The following TUBB6 variants were observed in gnomAD, a reference collection of about 807,000 sequenced individuals.
TUBB6 encodes the protein tubulin beta 6 class V, also known as tubulin beta-6 chain.
TUBB6 carries 18 observed loss-of-function variants against 32.3 expected under a neutral mutation model. The ratio of observed to expected loss-of-function variants is 0.56; its 90% CI spans 0.39 to 0.83. TUBB6 has a LOEUF of 0.83. Ranked by LOEUF, TUBB6 falls within the 40% of genes least tolerant of loss-of-function variation. The pLI is 0.00. For missense variants in TUBB6, 480 were observed against 632.0 expected, an observed-to-expected ratio of 0.76 and a Z score of 2.58; for synonymous variants, 280 against 265.8, an observed-to-expected ratio of 1.05 and a Z score of -0.52.
chr18:12,319,442 G>T (rs953523533), intron 3 of TUBB6, among the ~76,000 whole-genome samples: 1 of 151,238 alleles, frequency 6.6e-6, no homozygotes, highest in Admixed American at 6.6e-5. Context: ...CACCGCGCCC[G>T]GCCCTGCTGA....
upstream of TUBB6, chr18:12,308,216 C>A: frequency 8.7e-7 from 1 of 1,144,672 alleles, no homozygotes. Context: ...GAGGGTCGGC[C>A]CCGGGACGCG....
chr18:12,315,945 C>CA (rs967945113), intron 3 of TUBB6, among the ~76,000 whole-genome samples: 4 of 151,840 alleles, frequency 2.6e-5, no homozygotes, highest in Non-Finnish European at 5.9e-5. Flanking sequence ...TTAACTCTGT[C>CA]AAAAAAAAGA....
In TUBB6 at chr18:12,308,278, A is replaced by C; in HGVS notation, c.-15A>C. On this transcript the variant is annotated 5_prime_UTR_variant, in exon 1 of 4. Transcript: ENST00000317702. Reference sequence around the variant, plus strand: ...CGTCCGCAGAGCCAGTTCCTAGCGCAGAGCCGCGCCCGCCATGAGGGAGAT... The same window carrying C: ...CGTCCGCAGAGCCAGTTCCTAGCGCCGAGCCGCGCCCGCCATGAGGGAGAT... 1 of 1,439,580 alleles carries C rather than the reference A, an allele frequency of 6.9e-7. No homozygotes were observed. Among genetic ancestry groups the C allele is most frequent in the Non-Finnish European group, 9.2e-7 (1 of 1,090,908 alleles). The allele number at this position is 1,439,580 out of a possible 1,614,324, so 89.2% of individuals were successfully genotyped here. A position where few individuals can be genotyped will look rare whatever the true frequency, so the allele number is the denominator to read the frequency against.
chr18:12,313,077 A>G (rs1906481000), intron 3 of TUBB6, among the ~76,000 whole-genome samples: 1 of 151,958 alleles, frequency 6.6e-6, no homozygotes, highest in Non-Finnish European at 1.5e-5. Flanking sequence ...TGTAAGCTGG[A>G]AGTAGAAAGA....
At position 12,326,515 on chromosome 18, in the gene TUBB6, C is replaced by T; in HGVS notation, c.*385C>T. 4.6e-6 allele frequency: 1 copy of T among 216,826 alleles called. No individual in the cohort carries two copies. The highest frequency in any genetic ancestry group is 1.1e-4 in the East Asian group (1 of 9,336). The allele number at this position is 216,826 out of a possible 1,614,324, so 13.4% of individuals were successfully genotyped here. On this transcript the variant is annotated 3_prime_UTR_variant, in exon 4 of 4. Coordinates refer to ENST00000317702, the MANE Select transcript of TUBB6 (RefSeq NM_032525.3). ...TGCCGTGTTGCCTTATATGAATATG[C>T]AGTATGGGACTTTGAAATAATGATT... is the stretch of plus-strand genomic sequence containing the variant.
At chr18:12,313,316 C>G (rs1906494141) in intron 3 of TUBB6, among the ~76,000 whole-genome samples, 1 of 152,240 alleles carries the variant, frequency 6.6e-6, no homozygotes, top group African/African-American at 2.4e-5. Flanking sequence ...AAATGATTCT[C>G]TTGGAGTTTC....
chr18:12,329,292 C>T (rs1907435501), downstream of TUBB6: 9 of 694,754 alleles, frequency 1.3e-5, no homozygotes, highest in Admixed American at 1.0e-4. Flanking sequence ...GGTCCAGCCT[C>T]GGCCACTCTG....
At chr18:12,329,509 A>G, downstream of TUBB6, 1 of 1,542,734 alleles carries the variant, frequency 6.5e-7, no homozygotes, top group Non-Finnish European at 9.0e-7. Flanking sequence ...CACAGCTGAA[A>G]TAATGCACCA....
rs749407816 is a variant in TUBB6 at position 12,325,412 on chromosome 18, A to G, written c.623A>G (p.Tyr208Cys). 6.2e-6 allele frequency: 10 copies of G among 1,614,104 alleles called. No homozygotes were observed. The highest frequency in any genetic ancestry group is 8.5e-6 in the Non-Finnish European group (10 of 1,180,044). The change falls in exon 4 of 4, where the codon TAT becomes TGT. Residue 208 changes from tyrosine to cysteine, a missense_variant. Physicochemically the swap from Tyr to Cys is radical, Grantham distance 194. Coordinates refer to ENST00000317702, the MANE Select transcript of TUBB6 (RefSeq NM_032525.3). The stretch of plus-strand genomic sequence containing the variant: ...TACTGCATCGACAACGAGGCGCTCT[A>G]TGACATCTGCTTCCGCACTCTGAAG... ...ETYCIDNEALYDICFRTLKLT... is the reference protein window; with the variant it reads ...ETYCIDNEALCDICFRTLKLT...
At chr18:12,311,340 G>A (rs191692889) in intron 3 of TUBB6, among the ~76,000 whole-genome samples, 1 of 152,306 alleles carries the variant, frequency 6.6e-6, no homozygotes, top group East Asian at 1.9e-4. Context: ...GCTCATGCCT[G>A]TAATCCCACC....
At position 12,310,966 on chromosome 18, in the gene TUBB6, G is replaced by A. The variant is rs202041514; in HGVS notation, c.190G>A (p.Ala64Thr). 146 of 1,612,954 alleles carry A rather than the reference G, an allele frequency of 9.1e-5. No individual in the cohort carries two copies. Among genetic ancestry groups the A allele is most frequent in the Middle Eastern group, 1.6e-4 (1 of 6,080 alleles). Residue 64 changes from alanine to threonine, a missense_variant, in exon 3 of 4, where the codon GCC (alanine) becomes ACC (threonine). Ala to Thr is a moderately conservative substitution (Grantham distance 58). Transcript: ENST00000317702. Reference protein sequence around the residue: ...SSSQKYVPRAALVDLEPGTMD... With the variant: ...SSSQKYVPRATLVDLEPGTMD... ...AGCTCAGAAATATGTGCCCAGGGCC[G>A]CCCTGGTGGACTTAGAGCCAGGCAC... is the stretch of plus-strand genomic sequence containing the variant.
At chr18:12,308,899 G>T (rs1906183261) in intron 2 of TUBB6, 104 bp downstream of exon 2, 1 of 761,326 alleles carries the variant, frequency 1.3e-6, no homozygotes, top group Non-Finnish European at 2.3e-6. Flanking sequence ...TTCTCTCGGG[G>T]TGTAGCAGGA....
At chr18:12,315,651 C>T (rs915171214) in intron 3 of TUBB6, among the ~76,000 whole-genome samples, 1 of 152,308 alleles carries the variant, frequency 6.6e-6, no homozygotes, top group Non-Finnish European at 1.5e-5. Flanking sequence ...ACACATATCA[C>T]GCCAGGACTC....
Position 12,325,719 on chromosome 18 carries a change from C to T in TUBB6, c.930C>T (p.Tyr310=). 6.2e-7 allele frequency: 1 copy of T among 1,614,224 alleles called. No homozygotes were observed. Among genetic ancestry groups the T allele is most frequent in the Non-Finnish European group, 8.5e-7 (1 of 1,180,054 alleles). The change falls in exon 4 of 4, where the codon TAC becomes TAT. Residue 310 remains tyrosine (Y), a synonymous_variant. Coordinates refer to ENST00000317702, the MANE Select transcript of TUBB6 (RefSeq NM_032525.3). The part of the protein sequence containing the change: ...MAACDPRHGR[Y]LTVATVFRGP... ...CCTGCGATCCGCGCCATGGCCGCTA[C>T]CTGACCGTGGCCACCGTGTTCCGCG...
intron 3 of TUBB6, among the ~76,000 whole-genome samples, chr18:12,319,061 G>C (rs965469101): frequency 6.6e-6 from 1 of 152,076 alleles, no homozygotes; most frequent in African/African-American, 2.4e-5. Flanking sequence ...TGGCCCCTGA[G>C]GTTTTATTCC....
intron 3 of TUBB6, 193 bp downstream of exon 3, chr18:12,311,246 T>G: frequency 2.1e-6 from 1 of 472,684 alleles, no homozygotes; most frequent in Non-Finnish European, 3.8e-6. Flanking sequence ...ACTTTTTTGG[T>G]GGGAAGGAAC....
chr18:12,310,922 G>A (rs770432084), intron 2 of TUBB6, 21 bp from the exon 3 acceptor site: 49 of 1,550,510 alleles, frequency 3.2e-5, no homozygotes, highest in Non-Finnish European at 4.1e-5. Context: ...AACTCTTGTG[G>A]GTGGTTCTTT....
intron 3 of TUBB6, among the ~76,000 whole-genome samples, chr18:12,318,957 G>A (rs1906820323): frequency 6.6e-6 from 1 of 152,112 alleles, no homozygotes; most frequent in East Asian, 1.9e-4. Flanking sequence ...TCATGTCAAA[G>A]TTAAAACAAA....
chr18:12,318,272 GT>G (rs1290119649), intron 3 of TUBB6, among the ~76,000 whole-genome samples: 2 of 151,500 alleles, frequency 1.3e-5, no homozygotes, highest in African/African-American at 4.9e-5. Flanking sequence ...TGGGGAAGGG[GT>G]GGAGAGAAGT....
Sources: gnomAD v4.1 joint callset for allele counts (sites outside exome capture counted in the v4.1 genomes callset) on GRCh38, gnomAD v4.1.1 for gene constraint, MANE v1.5 for transcripts, NCBI Gene and HGNC (gene_info 2026-07-23, HGNC 2026-07-21) for gene names.